The following UBAP2 variants were observed in gnomAD, a reference collection of about 807,000 sequenced individuals.
UBAP2 encodes the protein ubiquitin-associated protein 2.
In UBAP2, 75 loss-of-function variants were observed where a neutral mutation model predicts 139.6. The ratio of observed to expected loss-of-function variants is 0.54; its 90% CI spans 0.45 to 0.65. The LOEUF (loss-of-function observed/expected upper bound fraction) is 0.65. Ranked by LOEUF, UBAP2 falls within the 30% of genes least tolerant of loss-of-function variation. The probability of loss-of-function intolerance (pLI) is 0.00; values close to 1 mark genes in which losing one functional copy is unlikely to be tolerated. For synonymous variants in UBAP2, 526 were observed against 526.2 expected (o/e 1.00, Z 0.01); for missense variants, 1,368 against 1,369.6 (o/e 1.00, Z 0.02).
intron 2 of UBAP2, among the ~76,000 whole-genome samples, chr9:33,999,155 G>A (rs927161060): frequency 3.9e-5 from 6 of 152,072 alleles, no homozygotes; most frequent in Non-Finnish European, 8.8e-5. Context: ...TAGAGTGGGG[G>A]AAATCAGCTC....
chr9:34,023,232 A>G (rs1181147974), intron 1 of UBAP2, among the ~76,000 whole-genome samples: 1 of 152,022 alleles, frequency 6.6e-6, no homozygotes, highest in Non-Finnish European at 1.5e-5. Context: ...AAAAAAAAAA[A>G]AAGAAAGAAA....
intron 1 of UBAP2, among the ~76,000 whole-genome samples, chr9:34,038,953 G>C (rs960349334): frequency 6.7e-5 from 10 of 149,970 alleles, no homozygotes; most frequent in African/African-American, 2.5e-4. Context: ...GATGTGAGGA[G>C]CGCCTCTGCC....
intron 13 of UBAP2, among the ~76,000 whole-genome samples, chr9:33,947,838 AT>A (rs1367359315): frequency 1.4e-4 from 21 of 150,030 alleles, no homozygotes; most frequent in African/African-American, 3.4e-4. Flanking sequence ...AAAAAAAAAA[AT>A]AAAATAATAG....
chr9:33,985,736 TC>T (rs1821151317), intron 6 of UBAP2, among the ~76,000 whole-genome samples: 1 of 151,680 alleles, frequency 6.6e-6, no homozygotes, highest in Non-Finnish European at 1.5e-5. Flanking sequence ...AGGAATAAAT[TC>T]TAGGCCGGGC....
At chr9:34,021,496 T>C (rs1455683590) in intron 1 of UBAP2, among the ~76,000 whole-genome samples, 4 of 152,206 alleles carry the variant, frequency 2.6e-5, no homozygotes, top group African/African-American at 9.6e-5. Context: ...ACAAGGTTAA[T>C]TGTTTTGCCA....
intron 2 of UBAP2, among the ~76,000 whole-genome samples, chr9:34,009,406 T>G (rs1376536756): frequency 6.6e-6 from 1 of 151,654 alleles, no homozygotes; most frequent in Non-Finnish European, 1.5e-5. Flanking sequence ...GCCAAAAAGG[T>G]TTTTTTCTTA....
intron 4 of UBAP2, chr9:33,995,520 T>C (rs925141449): frequency 1.3e-4 from 14 of 107,944 alleles, no homozygotes; most frequent in Non-Finnish European, 2.2e-4. Flanking sequence ...TTATTAAATA[T>C]ATAAATATAT....
At position 33,932,567 on chromosome 9, in the gene UBAP2, G is replaced by A; in HGVS notation, c.2170C>T (p.His724Tyr). ...GAAGCCGCGCAGACACTTACTGTGT[G>A]TGACGTGCTCGAGGAGAGGGCTGCA... ...AHAALSSSTSHTHASVESASS... is the reference protein window; with the variant it reads ...AHAALSSSTSYTHASVESASS... Residue 724 changes from histidine to tyrosine, a missense_variant, in exon 19 of 29, where the codon CAC (histidine) becomes TAC (tyrosine). Coordinates refer to ENST00000379238, the MANE Select transcript of UBAP2 (RefSeq NM_001370062.2). 1.2e-6 allele frequency: 2 copies of A among 1,613,994 alleles called. No individual in the cohort carries two copies. The highest frequency in any genetic ancestry group is 2.2e-5 in the East Asian group (1 of 44,882).
At chr9:34,021,171 G>C (rs1331279823) in intron 1 of UBAP2, among the ~76,000 whole-genome samples, 1 of 152,152 alleles carries the variant, frequency 6.6e-6, no homozygotes, top group African/African-American at 2.4e-5. Context: ...TTGTGTCCCT[G>C]AAACCTATTT....
At chr9:33,965,777 G>A (rs72727369) in intron 8 of UBAP2, among the ~76,000 whole-genome samples, 11,988 of 147,360 alleles carry the variant, frequency 0.081, 682 homozygotes, top group Non-Finnish European at 0.12. Flanking sequence ...GGCCGGGTGC[G>A]GTGGCTCACA....
At chr9:33,941,148 A>G (rs1043611603) in intron 16 of UBAP2, among the ~76,000 whole-genome samples, 23 of 152,360 alleles carry the variant, frequency 1.5e-4, no homozygotes, top group African/African-American at 5.5e-4. Context: ...AATGACCATC[A>G]GATATGCAGT....
chr9:34,027,709 A>AT (rs1022361038), intron 1 of UBAP2, among the ~76,000 whole-genome samples: 17 of 151,010 alleles, frequency 1.1e-4, no homozygotes, highest in Admixed American at 3.3e-4. Flanking sequence ...TACAAAAAAA[A>AT]AATTAGCCGG....
intron 2 of UBAP2, among the ~76,000 whole-genome samples, chr9:34,004,011 C>A (rs938814949): frequency 1.4e-4 from 21 of 152,128 alleles, no homozygotes; most frequent in African/African-American, 4.8e-4. Context: ...TGAGCCACCA[C>A]GCCCAGCCCC....
chr9:34,047,629 G>A (rs964670726), intron 1 of UBAP2, among the ~76,000 whole-genome samples: 1 of 152,170 alleles, frequency 6.6e-6, no homozygotes, highest in Non-Finnish European at 1.5e-5. Flanking sequence ...GTTCACCCAA[G>A]AAATTATATG....
At chr9:33,995,539 T>TTTAATATA (rs1822116757) in intron 4 of UBAP2, 1 of 134,716 alleles carries the variant, frequency 7.4e-6, no homozygotes, top group African/African-American at 2.8e-5. Context: ...ATTTATATTA[T>TTTAATATA]TAAATATATT....
chr9:34,018,246 T>A (rs935694384), intron 1 of UBAP2, among the ~76,000 whole-genome samples: 5 of 135,856 alleles, frequency 3.7e-5, no homozygotes, highest in African/African-American at 7.9e-5. Flanking sequence ...TTTTTTTTTT[T>A]AGACAGAAGA....
intron 14 of UBAP2, 146 bp from the exon 15 acceptor site, chr9:33,943,735 C>T (rs568546491): frequency 1.4e-6 from 1 of 740,594 alleles, no homozygotes; most frequent in East Asian, 2.7e-5. Context: ...TAGGCTAAGA[C>T]TTTTCTAAAA....
intron 23 of UBAP2, 71 bp from the exon 24 acceptor site, chr9:33,924,071 A>T: frequency 6.3e-7 from 1 of 1,597,066 alleles, no homozygotes; most frequent in Non-Finnish European, 8.6e-7. Context: ...GCTTCTGCAA[A>T]CAGGAACAGG....
At chr9:34,003,302 A>T (rs930382337) in intron 2 of UBAP2, among the ~76,000 whole-genome samples, 2 of 151,102 alleles carry the variant, frequency 1.3e-5, no homozygotes, top group Admixed American at 6.6e-5. Flanking sequence ...AAGTGCTGGG[A>T]TTACAGGTAT....
Sources: gnomAD v4.1 joint callset for allele counts (sites outside exome capture counted in the v4.1 genomes callset) on GRCh38, gnomAD v4.1.1 for gene constraint, MANE v1.5 for transcripts, NCBI Gene and HGNC (gene_info 2026-07-23, HGNC 2026-07-21) for gene names.